Variants in MBD5 observed in about 807,000 individuals in gnomAD.
The protein encoded by MBD5 is methyl-CpG binding domain protein 5.
MBD5 carries 13 observed loss-of-function variants against 117.3 expected under a neutral mutation model. That is an observed-to-expected ratio of 0.11 (90% CI 0.07 to 0.18). The LOEUF (loss-of-function observed/expected upper bound fraction) is 0.18, where lower values mean the gene tolerates loss of function less well. Ranked by LOEUF, MBD5 falls within the 10% of genes least tolerant of loss-of-function variation. The pLI is 1.00. For missense variants in MBD5, 1,879 were observed against 2,093.8 expected (o/e 0.90, Z 2.00); for synonymous variants, 727 against 766.4 (o/e 0.95, Z 0.85).
At chr2:148,181,434 A>G (rs1000439286) in intron 2 of MBD5, among the ~76,000 whole-genome samples, 1 of 152,204 alleles carries the variant, frequency 6.6e-6, no homozygotes, top group Non-Finnish European at 1.5e-5. Flanking sequence ...ACCAATCCCT[A>G]TCAGATGCGT....
At chr2:148,261,310 A>G (rs1402461924) in intron 3 of MBD5, among the ~76,000 whole-genome samples, 1 of 152,232 alleles carries the variant, frequency 6.6e-6, no homozygotes, top group Non-Finnish European at 1.5e-5. Context: ...TCTAATAGAT[A>G]GATAGCTGTT....
intron 1 of MBD5, among the ~76,000 whole-genome samples, chr2:148,032,778 G>A (rs540810679): frequency 1.1e-4 from 16 of 152,194 alleles, no homozygotes; most frequent in African/African-American, 3.6e-4. Context: ...AACCAATAAT[G>A]CTTTTTCCCA....
At chr2:148,107,016 A>G (rs1236984068) in intron 1 of MBD5, among the ~76,000 whole-genome samples, 1 of 151,316 alleles carries the variant, frequency 6.6e-6, no homozygotes, top group African/African-American at 2.4e-5. Flanking sequence ...AAGGATATCA[A>G]CTTATCCTAC....
At chr2:148,279,500 A>C (rs1283242501) in intron 3 of MBD5, among the ~76,000 whole-genome samples, 1 of 152,228 alleles carries the variant, frequency 6.6e-6, no homozygotes, top group African/African-American at 2.4e-5. Flanking sequence ...CACAGTGCCT[A>C]CTGAAACATT....
chr2:148,231,251 C>T (rs917923856), intron 2 of MBD5, among the ~76,000 whole-genome samples: 1 of 152,168 alleles, frequency 6.6e-6, no homozygotes, highest in Non-Finnish European at 1.5e-5. Flanking sequence ...CGATTCCTTT[C>T]TGGCTAAACA....
chr2:148,261,133 G>A (rs1027873767), intron 3 of MBD5, among the ~76,000 whole-genome samples: 6 of 152,158 alleles, frequency 3.9e-5, no homozygotes, highest in Non-Finnish European at 8.8e-5. Context: ...AGTAGATTTA[G>A]CATAATTCTT....
At chr2:148,185,021 C>T (rs1015880073) in intron 2 of MBD5, among the ~76,000 whole-genome samples, 1 of 152,168 alleles carries the variant, frequency 6.6e-6, no homozygotes, top group Admixed American at 6.5e-5. Context: ...TTGGTCTCCA[C>T]CTGTTTTCCT....
intron 1 of MBD5, among the ~76,000 whole-genome samples, chr2:148,149,701 C>T (rs1330890592): frequency 6.6e-6 from 1 of 152,190 alleles, no homozygotes; most frequent in Admixed American, 6.5e-5. Context: ...TGATGATGAG[C>T]ATTTTTTCAT....
intron 2 of MBD5, among the ~76,000 whole-genome samples, chr2:148,229,204 G>A (rs1182918657): frequency 6.8e-6 from 1 of 147,728 alleles, no homozygotes; most frequent in Non-Finnish European, 1.5e-5. Context: ...TGTCTTTTCT[G>A]TGTATTTTCA....
intron 3 of MBD5, among the ~76,000 whole-genome samples, chr2:148,280,267 C>A (rs1181321891): frequency 1.3e-5 from 2 of 151,852 alleles, no homozygotes; most frequent in Non-Finnish European, 2.9e-5. Flanking sequence ...ACAATCCATG[C>A]ACATTTTATC....
At chr2:148,185,310 C>CT (rs1272045155) in intron 2 of MBD5, among the ~76,000 whole-genome samples, 2 of 152,108 alleles carry the variant, frequency 1.3e-5, no homozygotes, top group African/African-American at 4.8e-5. Flanking sequence ...TATTTCTTGG[C>CT]TTTTTTTCTT....
chr2:148,239,890 G>T (rs1700176328), intron 3 of MBD5, among the ~76,000 whole-genome samples: 1 of 152,036 alleles, frequency 6.6e-6, no homozygotes, highest in Non-Finnish European at 1.5e-5. Flanking sequence ...TAGAAACGGG[G>T]TCTTGCCCAG....
chr2:148,368,942 A>C (rs900409741), intron 4 of MBD5, among the ~76,000 whole-genome samples: 1 of 152,180 alleles, frequency 6.6e-6, no homozygotes, highest in African/African-American at 2.4e-5. Context: ...TGGAGAAACC[A>C]ATGGATATCA....
chr2:148,224,276 C>T (rs1474780615), intron 2 of MBD5, among the ~76,000 whole-genome samples: 1 of 152,062 alleles, frequency 6.6e-6, no homozygotes, highest in African/African-American at 2.4e-5. Context: ...TTGTTGATTT[C>T]TCCATCTGGA....
chr2:148,177,169 G>A (rs1698411473), intron 1 of MBD5, among the ~76,000 whole-genome samples: 1 of 152,130 alleles, frequency 6.6e-6, no homozygotes, highest in East Asian at 1.9e-4. Context: ...TTAAAGATTA[G>A]AAATATAATC....
At chr2:148,065,526 A>G (rs548547968) in intron 1 of MBD5, among the ~76,000 whole-genome samples, 2 of 152,328 alleles carry the variant, frequency 1.3e-5, no homozygotes, top group South Asian at 4.1e-4. Context: ...CAGTATTATG[A>G]GCATTTGAAA....
chr2:148,176,157 G>C (rs1426766654), intron 1 of MBD5, among the ~76,000 whole-genome samples: 1 of 152,076 alleles, frequency 6.6e-6, no homozygotes, highest in East Asian at 1.9e-4. Flanking sequence ...CATGTAAAAA[G>C]AATACTTTAT....
At chr2:148,067,211 A>T (rs973020932) in intron 1 of MBD5, among the ~76,000 whole-genome samples, 9 of 152,222 alleles carry the variant, frequency 5.9e-5, no homozygotes, top group Non-Finnish European at 7.3e-5. Flanking sequence ...TCTATTGAAC[A>T]CCCACTCTGA....
chr2:148,128,751 A>G (rs1696962717), intron 1 of MBD5, among the ~76,000 whole-genome samples: 1 of 152,202 alleles, frequency 6.6e-6, no homozygotes, highest in South Asian at 2.1e-4. Flanking sequence ...ATTGCCAGTG[A>G]GCCACTCTTT....
Sources: gnomAD v4.1 joint callset for allele counts (sites outside exome capture counted in the v4.1 genomes callset) on GRCh38, gnomAD v4.1.1 for gene constraint, MANE v1.5 for transcripts, NCBI Gene and HGNC (gene_info 2026-07-23, HGNC 2026-07-21) for gene names.